Variants in ALG9 observed in about 807,000 individuals in gnomAD.
ALG9 encodes ALG9 alpha-1,2-mannosyltransferase.
Under a neutral mutation model 81.8 loss-of-function variants are expected in ALG9, and 55 were observed. The observed-to-expected ratio is 0.67, with a 90% CI of 0.54 to 0.84. The LOEUF is 0.84. Ranked by LOEUF, ALG9 falls within the 40% of genes least tolerant of loss-of-function variation. The probability of loss-of-function intolerance (pLI) is 0.00; values close to 1 mark genes in which losing one functional copy is unlikely to be tolerated. For missense variants in ALG9, 629 were observed against 745.0 expected (o/e 0.84, Z 1.81); for synonymous variants, 278 against 274.3 (o/e 1.01, Z -0.13).
At chr11:111,852,660 G>A (rs1958010863) in intron 8 of ALG9, among the ~76,000 whole-genome samples, 1 of 152,092 alleles carries the variant, frequency 6.6e-6, no homozygotes, top group South Asian at 2.1e-4. Flanking sequence ...TCTGGGCCGG[G>A]CACGGTGGCT....
chr11:111,856,994 C>T (rs782688592), intron 6 of ALG9, among the ~76,000 whole-genome samples: 7 of 152,164 alleles, frequency 4.6e-5, no homozygotes, highest in Non-Finnish European at 8.8e-5. Flanking sequence ...GTAGCCCCAG[C>T]TACTTGGGGG....
intron 14 of ALG9, among the ~76,000 whole-genome samples, chr11:111,799,076 T>A (rs1369659246): frequency 6.6e-6 from 1 of 152,206 alleles, no homozygotes; most frequent in African/African-American, 2.4e-5. Context: ...TTTGCCCCAA[T>A]CACAAAATTG....
intron 4 of ALG9, among the ~76,000 whole-genome samples, chr11:111,861,671 G>C (rs1960195969): frequency 6.6e-6 from 1 of 152,124 alleles, no homozygotes; most frequent in South Asian, 2.1e-4. Context: ...ATGAGGTCTT[G>C]CTATGTTGCC....
At chr11:111,832,731 G>A (rs1414687305) in intron 13 of ALG9, among the ~76,000 whole-genome samples, 1 of 152,112 alleles carries the variant, frequency 6.6e-6, no homozygotes, top group Non-Finnish European at 1.5e-5. Context: ...AAAAATCAAT[G>A]ACCAATCTAT....
chr11:111,836,060 GCTTT>G (rs1268381627), intron 13 of ALG9, 101 bp downstream of exon 13: 7 of 1,519,600 alleles, frequency 4.6e-6, no homozygotes, highest in Non-Finnish European at 6.4e-6. Context: ...TAAAAAAATT[GCTTT>G]CTAAGAAATT....
At chr11:111,771,367 T>C in the ALG9 span, 1 of 152,334 alleles carries the variant, frequency 6.6e-6, no homozygotes, top group African/African-American at 2.4e-5. Flanking sequence ...AGGAGGCAGA[T>C]GTTGTGGTGA....
chr11:111,769,310 CAAA>C, the ALG9 span: 18 of 69,788 alleles, frequency 2.6e-4, no homozygotes, highest in South Asian at 9.2e-4. Context: ...GACCCTGTCT[CAAA>C]AAAAAAAAAA....
chr11:111,798,160 G>A (rs1555077098), intron 14 of ALG9: 2 of 273,956 alleles, frequency 7.3e-6, no homozygotes, highest in African/African-American at 2.3e-5. Context: ...CAGAGATTGT[G>A]TCACTGCACT....
downstream of ALG9, chr11:111,778,300 T>C (rs1203342807): frequency 1.3e-5 from 2 of 152,244 alleles, no homozygotes; most frequent in Admixed American, 6.5e-5. Flanking sequence ...CAAATGACAC[T>C]GAATAGGTCT....
rs1238116020 is a variant in ALG9, at chr11:111,785,585, A to G, written c.*812T>C. 6.5e-6 allele frequency: 1 copy of G among 154,618 alleles called. No individual in the cohort carries two copies. Among genetic ancestry groups the G allele is most frequent in the Non-Finnish European group, 1.4e-5 (1 of 69,664 alleles). The allele number at this position is 154,618 out of a possible 1,614,324, so 9.6% of individuals were successfully genotyped here. A position where few individuals can be genotyped will look rare whatever the true frequency, so the allele number is the denominator to read the frequency against. ...TGATGTCATCCAAATGTATCAATTG[A>G]TAGAATTTTCTCCAAATATGTCCTA... On this transcript the variant is annotated 3_prime_UTR_variant, in exon 15 of 15. Coordinates refer to ENST00000616540, the MANE Select transcript of ALG9 (RefSeq NM_024740.2).
chr11:111,788,976 T>A (rs1455568620), intron 14 of ALG9, among the ~76,000 whole-genome samples: 1 of 151,624 alleles, frequency 6.6e-6, no homozygotes, highest in Non-Finnish European at 1.5e-5. Flanking sequence ...AACCTCAGGG[T>A]CCAGTGGACC....
rs782527346 is a variant in ALG9, at chr11:111,784,921, G to A, written c.*1476C>T. 1 of 152,434 alleles carries A rather than the reference G, an allele frequency of 6.6e-6. No homozygotes were observed. Among genetic ancestry groups the A allele is most frequent in the Non-Finnish European group, 1.5e-5 (1 of 68,046 alleles). 9.4% of individuals were successfully genotyped at this position (152,434 alleles called of 1,614,324 possible). On this transcript the variant is annotated 3_prime_UTR_variant, in exon 15 of 15. Transcript: ENST00000616540. ...CAGAAGCACTACTTTCCTGCCACAGGTCAGGCTGCATCACACAGCACTGCT... is the reference window on the plus strand; with the variant it reads ...CAGAAGCACTACTTTCCTGCCACAGATCAGGCTGCATCACACAGCACTGCT...
At chr11:111,862,779 CTT>C (rs1172370339) in intron 4 of ALG9, among the ~76,000 whole-genome samples, 2 of 151,148 alleles carry the variant, frequency 1.3e-5, no homozygotes, top group Non-Finnish European at 2.9e-5. Flanking sequence ...TTGGTCATCT[CTT>C]GTTTCTTGTT....
At chr11:111,772,625 G>A in the ALG9 span, among the ~76,000 whole-genome samples, 1 of 152,214 alleles carries the variant, frequency 6.6e-6, no homozygotes, top group African/African-American at 2.4e-5. Context: ...TCATGTGGTT[G>A]TTAAAAAGAT....
At chr11:111,857,050 T>C (rs1399664283) in intron 6 of ALG9, among the ~76,000 whole-genome samples, 1 of 152,150 alleles carries the variant, frequency 6.6e-6, no homozygotes, top group Non-Finnish European at 1.5e-5. Flanking sequence ...GAGGTTGTGA[T>C]AAGCCAACAT....
At chr11:111,793,536 C>T (rs1265226990) in intron 14 of ALG9, among the ~76,000 whole-genome samples, 12 of 151,750 alleles carry the variant, frequency 7.9e-5, no homozygotes, top group African/African-American at 2.7e-4. Context: ...CCGAGGCGGG[C>T]GGATCACAAG....
intron 14 of ALG9, among the ~76,000 whole-genome samples, chr11:111,793,825 A>G (rs916659017): frequency 6.6e-6 from 1 of 152,160 alleles, no homozygotes; most frequent in African/African-American, 2.4e-5. Flanking sequence ...GCACACATTT[A>G]TACACATGGA....
chr11:111,794,455 T>C (rs1433319369), intron 14 of ALG9, among the ~76,000 whole-genome samples: 1 of 152,018 alleles, frequency 6.6e-6, no homozygotes, highest in Non-Finnish European at 1.5e-5. Flanking sequence ...GCTAATTTAT[T>C]ATCATTATTA....
intron 13 of ALG9, among the ~76,000 whole-genome samples, chr11:111,824,134 TAAC>T (rs1372070956): frequency 6.6e-6 from 1 of 152,220 alleles, no homozygotes; most frequent in Non-Finnish European, 1.5e-5. Flanking sequence ...TGTTTTACAA[TAAC>T]AAATTCTGGG....
Sources: gnomAD v4.1 joint callset for allele counts (sites outside exome capture counted in the v4.1 genomes callset) on GRCh38, gnomAD v4.1.1 for gene constraint, MANE v1.5 for transcripts, NCBI Gene and HGNC (gene_info 2026-07-23, HGNC 2026-07-21) for gene names.